Variants in MAN2A1 observed in about 807,000 individuals in gnomAD.
MAN2A1 encodes alpha-mannosidase 2.
A neutral mutation model predicts 142.6 loss-of-function variants in MAN2A1; 76 were observed. The observed-to-expected ratio is 0.53, with a 90% CI of 0.44 to 0.65. The LOEUF (loss-of-function observed/expected upper bound fraction) is 0.65. Ranked by LOEUF, MAN2A1 falls within the 30% of genes least tolerant of loss-of-function variation. The pLI is 0.00. For missense variants in MAN2A1, 1,311 were observed against 1,365.1 expected (o/e 0.96, Z 0.62); for synonymous variants, 559 against 473.2 (o/e 1.18, Z -2.35).
At chr5:109,798,670 G>GTTTGT (rs146995078) in intron 12 of MAN2A1, among the ~76,000 whole-genome samples, 274 of 151,974 alleles carry the variant, frequency 1.8e-3, no homozygotes, top group South Asian at 0.013. Flanking sequence ...TGTTTTGTTT[G>GTTTGT]TTTGTTTTGT....
intron 1 of MAN2A1, among the ~76,000 whole-genome samples, chr5:109,696,146 A>G (rs1750805244): frequency 6.6e-6 from 1 of 151,868 alleles, no homozygotes; most frequent in African/African-American, 2.4e-5. Context: ...ATGTTGGCAG[A>G]CTGGAGTGCA....
Position 109,690,413 on chromosome 5 carries a change from G to C in MAN2A1, c.-5G>C. 6.2e-7 allele frequency: 1 copy of C among 1,614,082 alleles called. No individual in the cohort carries two copies. The highest frequency in any genetic ancestry group is 8.5e-7 in the Non-Finnish European group (1 of 1,179,930). On this transcript the variant is annotated 5_prime_UTR_variant, in exon 1 of 22. Coordinates refer to ENST00000261483, the MANE Select transcript of MAN2A1 (RefSeq NM_002372.4). ...AGTGTCCTGGCCCCGAGTCTATCGA[G>C]GAAAATGAAGTTAAGCCGCCAGTTC...
chr5:109,724,651 G>T (rs1321860259), intron 3 of MAN2A1, among the ~76,000 whole-genome samples: 1 of 151,520 alleles, frequency 6.6e-6, no homozygotes, highest in Non-Finnish European at 1.5e-5. Flanking sequence ...CTTTTGAGTG[G>T]AATTAATATA....
chr5:109,705,485 T>G (rs1271023433), intron 1 of MAN2A1, among the ~76,000 whole-genome samples: 3 of 152,160 alleles, frequency 2.0e-5, no homozygotes, highest in Admixed American at 1.3e-4. Flanking sequence ...CTCCATTGCT[T>G]GGGCTCACAG....
chr5:109,799,711 A>T (rs1349818417), intron 12 of MAN2A1, among the ~76,000 whole-genome samples: 2 of 151,336 alleles, frequency 1.3e-5, no homozygotes, highest in East Asian at 2.0e-4. Flanking sequence ...CCGAGGTTGC[A>T]CCATGGCACT....
chr5:109,722,522 C>A (rs548650971), intron 3 of MAN2A1, among the ~76,000 whole-genome samples: 10 of 152,300 alleles, frequency 6.6e-5, no homozygotes, highest in African/African-American at 2.4e-4. Flanking sequence ...TCAAGCAATT[C>A]TCCTGCCTCA....
chr5:109,716,245 T>C lies in MAN2A1; in HGVS notation c.516T>C (p.Pro172=). The change falls in exon 3 of 22, where the codon CCT becomes CCC. Residue 172 remains proline, a synonymous_variant. Transcript: ENST00000261483. The stretch of plus-strand genomic sequence containing the variant: ...AACCCCTTCAAGTCTTTGTGGTGCC[T>C]CATTCCCATAACGACCCAGGTAAAA... The part of the protein sequence containing the change: ...DTEPLQVFVV[P]HSHNDPGWLK... 6.2e-7 allele frequency: 1 copy of C among 1,603,390 alleles called. No homozygotes were observed. The highest frequency in any genetic ancestry group is 2.2e-5 in the East Asian group (1 of 44,644).
chr5:109,702,328 TG>T (rs1341799858), intron 1 of MAN2A1, among the ~76,000 whole-genome samples: 1 of 151,452 alleles, frequency 6.6e-6, no homozygotes, highest in African/African-American at 2.4e-5. Flanking sequence ...TGTGTGTGTG[TG>T]TGTGTGTGTG....
intron 1 of MAN2A1, among the ~76,000 whole-genome samples, chr5:109,709,751 T>C (rs904153097): frequency 3.3e-5 from 5 of 152,154 alleles, no homozygotes; most frequent in Admixed American, 2.6e-4. Flanking sequence ...AAATCAAATA[T>C]CATGACCTCC....
At position 109,781,556 on chromosome 5, in the gene MAN2A1, C is replaced by T. The variant is rs1200670221; in HGVS notation, c.1535C>T (p.Pro512Leu). Residue 512 changes from proline to leucine, a missense_variant, in exon 9 of 22, where the codon CCC becomes CTC. This residue lies in a region of MAN2A1 where 890 missense variants were observed against 920.5 expected (regional missense o/e 0.97). Coordinates refer to ENST00000261483, the MANE Select transcript of MAN2A1 (RefSeq NM_002372.4). Reference protein sequence around the residue: ...HYWSGYFTSRPFYKRMDRIME... With the variant: ...HYWSGYFTSRLFYKRMDRIME... Reference sequence around the variant, plus strand: ...TGGAGTGGCTATTTTACATCCAGACCCTTTTACAAACGAATGGACAGAATC... The same window carrying T: ...TGGAGTGGCTATTTTACATCCAGACTCTTTTACAAACGAATGGACAGAATC... The T allele has an allele frequency of 6.2e-7, 1 of 1,610,762 alleles. No homozygotes were observed. The highest frequency in any genetic ancestry group is 1.7e-5 in the Admixed American group (1 of 59,158).
chr5:109,828,091 C>T (rs1189987724), intron 16 of MAN2A1, among the ~76,000 whole-genome samples: 5 of 144,102 alleles, frequency 3.5e-5, no homozygotes, highest in South Asian at 2.2e-4. Context: ...GGCAACAGAG[C>T]GAGACTCTGT....
At chr5:109,736,267 A>C (rs748076592) in intron 4 of MAN2A1, among the ~76,000 whole-genome samples, 30 of 152,198 alleles carry the variant, frequency 2.0e-4, no homozygotes, top group African/African-American at 6.8e-4. Context: ...GTTTAGATAC[A>C]CTAGTTTGCA....
chr5:109,690,046 C>A lies in MAN2A1; in HGVS notation c.-372C>A, dbSNP rs775035996. The A allele has an allele frequency of 4.5e-6, 1 of 220,968 alleles. No individual in the cohort carries two copies. The highest frequency in any genetic ancestry group is 9.1e-6 in the Non-Finnish European group (1 of 109,876). 13.7% of individuals were successfully genotyped at this position (220,968 alleles called of 1,614,324 possible). A position where few individuals can be genotyped will look rare whatever the true frequency, so the allele number is the denominator to read the frequency against. On this transcript the variant is annotated 5_prime_UTR_variant, in exon 1 of 22. Transcript: ENST00000261483. Reference sequence around the variant, plus strand: ...TCGTCGAGAAAACTTTTCCTGCCGACTCAGTTGGGGCGGCGGTGGCAGGAA... The same window carrying A: ...TCGTCGAGAAAACTTTTCCTGCCGAATCAGTTGGGGCGGCGGTGGCAGGAA...
chr5:109,748,728 A>G (rs2112617553), intron 4 of MAN2A1, among the ~76,000 whole-genome samples: 1 of 152,152 alleles, frequency 6.6e-6, no homozygotes, highest in South Asian at 2.1e-4. Context: ...GACAGCATGG[A>G]CAGCTAGCTG....
intron 20 of MAN2A1, among the ~76,000 whole-genome samples, chr5:109,857,591 A>T (rs1755656729): frequency 6.6e-6 from 1 of 152,192 alleles, no homozygotes; most frequent in Admixed American, 6.5e-5. Context: ...GCTGGAGCTG[A>T]CTAGAGTCAG....
intron 4 of MAN2A1, among the ~76,000 whole-genome samples, chr5:109,738,883 T>C (rs1752185755): frequency 6.6e-6 from 1 of 152,128 alleles, no homozygotes; most frequent in Non-Finnish European, 1.5e-5. Flanking sequence ...CCCACTCTGT[T>C]CTCAGGCTGG....
chr5:109,802,962 T>C (rs1360184811), intron 12 of MAN2A1, among the ~76,000 whole-genome samples: 1 of 152,034 alleles, frequency 6.6e-6, no homozygotes, highest in African/African-American at 2.4e-5. Context: ...TAAATATATA[T>C]TTTTACTGTC....
chr5:109,774,106 A>G (rs1282809162), intron 7 of MAN2A1, among the ~76,000 whole-genome samples: 2 of 152,360 alleles, frequency 1.3e-5, no homozygotes, highest in East Asian at 3.9e-4. Context: ...TAGAGTCCAG[A>G]GAAGTAGAAA....
At chr5:109,865,462 C>T (rs1240877761) in intron 21 of MAN2A1, 5 of 315,776 alleles carry the variant, frequency 1.6e-5, no homozygotes, top group African/African-American at 6.5e-5. Flanking sequence ...TCCCCTGAAC[C>T]ACACATGCTC....
Sources: gnomAD v4.1 joint callset for allele counts (sites outside exome capture counted in the v4.1 genomes callset) on GRCh38, gnomAD v4.1.1 for gene constraint, gnomAD v4.1.1 regional missense constraint, MANE v1.5 for transcripts, NCBI Gene and HGNC (gene_info 2026-07-23, HGNC 2026-07-21) for gene names.